Variants in KLHDC4 observed in about 807,000 individuals in gnomAD.
KLHDC4 encodes the protein kelch domain-containing protein 4.
KLHDC4 carries 90 observed loss-of-function variants against 62.4 expected under a neutral mutation model. The observed-to-expected ratio is 1.44, with a 90% CI of 1.22 to 1.72. The LOEUF (loss-of-function observed/expected upper bound fraction) is 1.72. Among genes scored for constraint, KLHDC4 ranks in the 40% most tolerant of loss-of-function variants. The probability of loss-of-function intolerance (pLI) is 0.00; values close to 1 mark genes in which losing one functional copy is unlikely to be tolerated. For missense variants in KLHDC4, 1,025 were observed against 699.7 expected (o/e 1.47, Z -5.25); for synonymous variants, 386 against 284.4 (o/e 1.36, Z -3.59).
chr16:87,727,958 G>A (rs911753413), intron 6 of KLHDC4, among the ~76,000 whole-genome samples: 15 of 152,128 alleles, frequency 9.9e-5, no homozygotes, highest in African/African-American at 3.4e-4. Flanking sequence ...GTCTCAGGCA[G>A]GTAGATCACT....
At chr16:87,722,917 G>A (rs1001898590) in intron 7 of KLHDC4, among the ~76,000 whole-genome samples, 16 of 152,220 alleles carry the variant, frequency 1.1e-4, no homozygotes, top group South Asian at 2.1e-4. Context: ...GGTGGGTGGC[G>A]GGTGGCAGGA....
chr16:87,726,235 C>G (rs2039359217), intron 7 of KLHDC4, among the ~76,000 whole-genome samples: 1 of 73,648 alleles, frequency 1.4e-5, no homozygotes, highest in Non-Finnish European at 2.7e-5. Flanking sequence ...CCGCGCCTCG[C>G]CCGTCTCCCC....
intron 7 of KLHDC4, among the ~76,000 whole-genome samples, chr16:87,718,294 T>C (rs1328785834): frequency 4.3e-5 from 5 of 115,472 alleles, no homozygotes; most frequent in African/African-American, 7.1e-5. Context: ...GCTCTCCCTC[T>C]CCCTCTCCCT....
chr16:87,701,318 G>T (rs968283687), exon 1 of KLHDC4: 9 of 251,404 alleles, frequency 3.6e-5, no homozygotes, highest in Non-Finnish European at 7.2e-5. Flanking sequence ...CAAGAGGGTA[G>T]CAGGGCGCTC....
intron 7 of KLHDC4, among the ~76,000 whole-genome samples, chr16:87,718,319 C>T (rs1378313199): frequency 1.4e-5 from 1 of 71,666 alleles, no homozygotes; most frequent in Non-Finnish European, 2.7e-5. Context: ...CTCTCCCTCC[C>T]CCTCCCTCTC....
intron 6 of KLHDC4, among the ~76,000 whole-genome samples, chr16:87,728,892 AGCCTCCCGAGT>A (rs1328791267): frequency 2.6e-5 from 4 of 152,144 alleles, no homozygotes; most frequent in Non-Finnish European, 5.9e-5. Flanking sequence ...CTCTTGTATC[AGCCTCCCGAGT>A]GCCTGGGATT....
intron 7 of KLHDC4, among the ~76,000 whole-genome samples, chr16:87,721,455 G>T (rs953916519): frequency 6.6e-5 from 10 of 150,842 alleles, no homozygotes; most frequent in Non-Finnish European, 1.3e-4. Context: ...CCAGAAACAG[G>T]TGTGGCCACA....
intron 5 of KLHDC4, among the ~76,000 whole-genome samples, chr16:87,731,581 TC>T (rs1435738350): frequency 6.7e-6 from 1 of 149,792 alleles, no homozygotes; most frequent in African/African-American, 2.5e-5. Context: ...GCACCCGAGA[TC>T]AAGACAACAT....
At chr16:87,761,017 A>T (rs570297376) in intron 2 of KLHDC4, among the ~76,000 whole-genome samples, 1 of 152,312 alleles carries the variant, frequency 6.6e-6, no homozygotes, top group South Asian at 2.1e-4. Context: ...TGGATGACAG[A>T]GTGAGACTCC....
chr16:87,729,128 G>C (rs939938380), intron 6 of KLHDC4, among the ~76,000 whole-genome samples: 5 of 152,086 alleles, frequency 3.3e-5, no homozygotes, highest in Admixed American at 1.3e-4. Context: ...CCCTTGAAAA[G>C]TATTTAAGAA....
chr16:87,745,771 G>A (rs2042948624), intron 5 of KLHDC4, among the ~76,000 whole-genome samples: 3 of 152,116 alleles, frequency 2.0e-5, no homozygotes, highest in South Asian at 4.1e-4. Flanking sequence ...AGCACCCCGA[G>A]CTGACTACAG....
chr16:87,703,087 G>A (rs940711636), downstream of KLHDC4: 6 of 152,244 alleles, frequency 3.9e-5, no homozygotes, highest in African/African-American at 7.2e-5. Context: ...ACAAACCAGC[G>A]TCTTTACTGA....
At position 87,711,291 on chromosome 16, in the gene KLHDC4, TGAA is replaced by T. The variant is rs1567659259; in HGVS notation, c.985_987del (p.Phe329del). 4 of 1,614,108 alleles carry T rather than the reference TGAA, an allele frequency of 2.5e-6. No homozygotes were observed. The highest frequency in any genetic ancestry group is 3.4e-6 in the Non-Finnish European group (4 of 1,180,034). On this transcript the variant is annotated inframe_deletion, in exon 9 of 12. Coordinates refer to ENST00000270583, the MANE Select transcript of KLHDC4 (RefSeq NM_017566.4). ...GTGGCGTCGTAGAAGTACAGATCGTTGAAGAACTCGCCCGACAGGCTCTCCTCC... is the reference window on the plus strand; with the variant it reads ...GTGGCGTCGTAGAAGTACAGATCGTTGAACTCGCCCGACAGGCTCTCCTCC...
At chr16:87,756,700 C>CA (rs1458932554) in intron 2 of KLHDC4, among the ~76,000 whole-genome samples, 2 of 132,634 alleles carry the variant, frequency 1.5e-5, no homozygotes, top group Non-Finnish European at 3.1e-5. Flanking sequence ...GCTGGACTGA[C>CA]ACAGTGTCTG....
downstream of KLHDC4, among the ~76,000 whole-genome samples, chr16:87,706,143 G>A (rs532392946): frequency 5.5e-5 from 8 of 145,478 alleles, no homozygotes; most frequent in Admixed American, 1.4e-4. Flanking sequence ...CAGCCCTCGC[G>A]GGGGGGTCAG....
chr16:87,730,034 A>G (rs2040064521), intron 6 of KLHDC4, among the ~76,000 whole-genome samples: 1 of 152,086 alleles, frequency 6.6e-6, no homozygotes, highest in African/African-American at 2.4e-5. Flanking sequence ...ACTCACTGCA[A>G]CCTCCATCTC....
At chr16:87,712,496 C>G (rs2036094825) in intron 8 of KLHDC4, among the ~76,000 whole-genome samples, 1 of 152,248 alleles carries the variant, frequency 6.6e-6, no homozygotes, top group South Asian at 2.1e-4. Flanking sequence ...TCGCTCCTCA[C>G]CACGATGCTT....
At chr16:87,724,683 G>C (rs1430883041) in intron 7 of KLHDC4, among the ~76,000 whole-genome samples, 2 of 152,190 alleles carry the variant, frequency 1.3e-5, no homozygotes, top group African/African-American at 2.4e-5. Context: ...CGCCATTGGG[G>C]CTGGTATGAA....
At chr16:87,751,132 T>C (rs569797365) in intron 4 of KLHDC4, among the ~76,000 whole-genome samples, 31 of 152,282 alleles carry the variant, frequency 2.0e-4, no homozygotes, top group African/African-American at 6.0e-4. Flanking sequence ...AAAAACACTA[T>C]AGAAAGAACA....
Sources: gnomAD v4.1 joint callset for allele counts (sites outside exome capture counted in the v4.1 genomes callset) on GRCh38, gnomAD v4.1.1 for gene constraint, MANE v1.5 for transcripts, NCBI Gene and HGNC (gene_info 2026-07-23, HGNC 2026-07-21) for gene names.